The following KLHDC7A variants were observed in gnomAD, a reference collection of about 807,000 sequenced individuals.
KLHDC7A encodes the protein kelch domain-containing protein 7A.
For synonymous variants in KLHDC7A, 464 were observed against 461.0 expected, an observed-to-expected ratio of 1.01 and a Z score of -0.08; for missense variants, 1,123 against 1,052.6, an observed-to-expected ratio of 1.07 and a Z score of -0.93.
In KLHDC7A at chr1:18,481,244, G is replaced by C. The variant is rs368210062; in HGVS notation, c.263G>C (p.Arg88Pro). Reference protein sequence around the residue: ...RGPRRRRSSKRAEAPQGCSCE... With the variant: ...RGPRRRRSSKPAEAPQGCSCE... ...CCAAGACGTCGGAGGAGCAGCAAGC[G>C]GGCTGAAGCACCACAGGGCTGCAGC... Residue 88 changes from arginine to proline, a missense_variant, in exon 1 of 1, where the codon CGG becomes CCG. Coordinates refer to ENST00000400664, the MANE Select transcript of KLHDC7A (RefSeq NM_152375.3). 2.5e-5 allele frequency: 39 copies of C among 1,584,000 alleles called. No individual in the cohort carries two copies. The South Asian group carries it at 3.0e-4, about 12-fold the overall frequency.
chr1:18,483,311 T>G lies in KLHDC7A; in HGVS notation c.2330T>G (p.Val777Gly). 1.9e-6 allele frequency: 3 copies of G among 1,611,222 alleles called. No individual in the cohort carries two copies. In the African/African-American group the frequency reaches 4.0e-5, roughly 21 times the overall value. Reference sequence around the variant, plus strand: ...ACCCCCGATTTGCCTCAGACCAGGGTCTAGCAGTCCCTCAACTGAGCTCCT... The same window carrying G: ...ACCCCCGATTTGCCTCAGACCAGGGGCTAGCAGTCCCTCAACTGAGCTCCT... ...LPTPDLPQTR[V>G] Residue 777 changes from valine (V) to glycine (G), a missense_variant, in exon 1 of 1, where the codon GTC (valine) becomes GGC (glycine). Physicochemically the swap from Val to Gly is moderately radical, Grantham distance 109. Coordinates refer to ENST00000400664, the MANE Select transcript of KLHDC7A (RefSeq NM_152375.3).
Position 18,483,981 on chromosome 1 carries a change from T to C in KLHDC7A, c.*666T>C. The C allele has an allele frequency of 1.5e-6, 2 of 1,304,240 alleles. No homozygotes were observed. The highest frequency in any genetic ancestry group is 2.0e-6 in the Non-Finnish European group (2 of 988,928). The allele number at this position is 1,304,240 out of a possible 1,614,324, so 80.8% of individuals were successfully genotyped here. ...ACCAAAGCCCACATTACTTTTCTCCTTATTGGAAGAAAGAGAAGCAGCCAT... is the reference window on the plus strand; with the variant it reads ...ACCAAAGCCCACATTACTTTTCTCCCTATTGGAAGAAAGAGAAGCAGCCAT... On this transcript the variant is annotated 3_prime_UTR_variant, in exon 1 of 1. Transcript: ENST00000400664.
In KLHDC7A at chr1:18,481,973, C is replaced by T. The variant is rs761120175; in HGVS notation, c.992C>T (p.Ala331Val). ...CCAGGGTCCCTGGGAACAGGGGCTG[C>T]CTCGGGAGGCCAAGCCGGTGACACA... ...PPPGSLGTGA[A>V]SGGQAGDTKG... is the part of the protein sequence containing the mutation. Residue 331 changes from alanine (A) to valine (V), a missense_variant, in exon 1 of 1, where the codon GCC (alanine) becomes GTC (valine). Ala to Val is a moderately conservative substitution (Grantham distance 64, BLOSUM62 0). Coordinates refer to ENST00000400664, the MANE Select transcript of KLHDC7A (RefSeq NM_152375.3). 1.2e-6 allele frequency: 2 copies of T among 1,612,858 alleles called. No homozygotes were observed. Among genetic ancestry groups the T allele is most frequent in the Non-Finnish European group, 8.5e-7 (1 of 1,179,960 alleles).
At position 18,484,321 on chromosome 1, in the gene KLHDC7A, G is replaced by A. The variant is rs759160329; in HGVS notation, c.*1006G>A. 5 of 321,962 alleles carry A rather than the reference G, an allele frequency of 1.6e-5. No homozygotes were observed. Among genetic ancestry groups the A allele is most frequent in the Non-Finnish European group, 2.6e-5 (4 of 155,810 alleles). The allele number at this position is 321,962 out of a possible 1,614,324, so 19.9% of individuals were successfully genotyped here. On this transcript the variant is annotated 3_prime_UTR_variant, in exon 1 of 1. Transcript: ENST00000400664. Reference sequence around the variant, plus strand: ...GAGTCTAGTGAAGCATCCAGAGACTGGATCTCCTTTCACATCTGGTTTGAT... The same window carrying A: ...GAGTCTAGTGAAGCATCCAGAGACTAGATCTCCTTTCACATCTGGTTTGAT...
Position 18,482,332 on chromosome 1 carries a change from A to T in KLHDC7A, c.1351A>T (p.Lys451Ter). 2 of 1,602,256 alleles carry T rather than the reference A, an allele frequency of 1.2e-6. No homozygotes were observed. Among genetic ancestry groups the T allele is most frequent in the South Asian group, 2.2e-5 (2 of 91,090 alleles). The part of the protein sequence containing the change: ...LAKRQNLEAL[K>*]EAAYKVMSEN... ...CAAGAGGCAGAACCTGGAGGCCCTGAAAGAGGCGGCCTACAAGGTGATGAG... is the reference window on the plus strand; with the variant it reads ...CAAGAGGCAGAACCTGGAGGCCCTGTAAGAGGCGGCCTACAAGGTGATGAG... Residue 451 changes from lysine to a stop codon, truncating the protein, a stop_gained, in exon 1 of 1, where the codon AAA becomes TAA. Coordinates refer to ENST00000400664, the MANE Select transcript of KLHDC7A (RefSeq NM_152375.3). LOFTEE classifies it low-confidence loss of function (END_TRUNC).
In KLHDC7A at chr1:18,483,215, T is replaced by C. The variant is rs2086911239; in HGVS notation, c.2234T>C (p.Phe745Ser). 5.0e-6 allele frequency: 8 copies of C among 1,614,012 alleles called. No homozygotes were observed. The highest frequency in any genetic ancestry group is 1.3e-5 in the African/African-American group (1 of 75,050). ...CFLADSVSPR[F>S]VPKELRSFPA... is the part of the protein sequence containing the mutation. Reference sequence around the variant, plus strand: ...CTAGCAGACTCTGTCTCACCCAGGTTTGTGCCCAAGGAGCTGCGGAGTTTC... The same window carrying C: ...CTAGCAGACTCTGTCTCACCCAGGTCTGTGCCCAAGGAGCTGCGGAGTTTC... Residue 745 changes from phenylalanine (F) to serine (S), a missense_variant, in exon 1 of 1, where the codon TTT (phenylalanine) becomes TCT (serine). Physicochemically the swap from Phe to Ser is radical, Grantham distance 155 (BLOSUM62 -2). Transcript: ENST00000400664.
Position 18,481,159 on chromosome 1 carries a change from G to A in KLHDC7A, c.178G>A (p.Ala60Thr). Residue 60 changes from alanine to threonine, a missense_variant, in exon 1 of 1, where the codon GCA becomes ACA. Ala to Thr is a moderately conservative substitution (Grantham distance 58, BLOSUM62 0). Transcript: ENST00000400664. ...GNGQAEAKEE[A>T]EGSGQPAVQE... ...TGGCCAGGCAGAAGCCAAGGAGGAA[G>A]CAGAGGGCTCAGGGCAGCCTGCTGT... is the stretch of plus-strand genomic sequence containing the variant. 6.2e-7 allele frequency: 1 copy of A among 1,612,516 alleles called. No homozygotes were observed. The highest frequency in any genetic ancestry group is 8.5e-7 in the Non-Finnish European group (1 of 1,179,404).
Position 18,481,917 on chromosome 1 carries a change from C to T in KLHDC7A, c.936C>T (p.Ala312=). 1.9e-6 allele frequency: 3 copies of T among 1,613,446 alleles called. No homozygotes were observed. The highest frequency in any genetic ancestry group is 2.5e-6 in the Non-Finnish European group (3 of 1,179,908). ...GCAGGCTGGCTCCCAGGACAGCAGC[C>T]CTGACTGAGGTTCCATCCCCTAGGC... The part of the protein sequence containing the change: ...FQGRLAPRTA[A]LTEVPSPRPP... The change falls in exon 1 of 1, where the codon GCC becomes GCT. Residue 312 remains alanine, a synonymous_variant. Coordinates refer to ENST00000400664, the MANE Select transcript of KLHDC7A (RefSeq NM_152375.3).
At position 18,481,036 on chromosome 1, in the gene KLHDC7A, G is replaced by A. The variant is rs775718753; in HGVS notation, c.55G>A (p.Gly19Ser). 1.6e-5 allele frequency: 26 copies of A among 1,612,784 alleles called. No individual in the cohort carries two copies. The highest frequency in any genetic ancestry group is 1.5e-4 in the African/African-American group (11 of 74,890). The change falls in exon 1 of 1, where the codon GGC becomes AGC. Residue 19 changes from glycine to serine, a missense_variant. Coordinates refer to ENST00000400664, the MANE Select transcript of KLHDC7A (RefSeq NM_152375.3). ...QDWHLDMQLT[G>S]KVVLSAAALL... ...CTGGCATTTGGATATGCAGCTGACC[G>A]GCAAGGTGGTGCTGTCAGCCGCTGC... is the stretch of plus-strand genomic sequence containing the variant.
In KLHDC7A at chr1:18,482,870, CG is replaced by C. The variant is rs1442555455; in HGVS notation, c.1891del (p.Val631CysfsTer107). The C allele has an allele frequency of 1.2e-6, 2 of 1,611,602 alleles. No individual in the cohort carries two copies. The highest frequency in any genetic ancestry group is 1.7e-6 in the Non-Finnish European group (2 of 1,179,696). On this transcript the variant is annotated frameshift_variant, in exon 1 of 1. Transcript: ENST00000400664. LOFTEE classifies it low-confidence loss of function (END_TRUNC). ...ACGTTCGCCCTGGCGCACACGGCCA[CG>C]GTGCGTGCCAAGGAAATCTTCGTCA... Reference protein sequence around the residue: ...SDTFALAHTATVRAKEIFVTG... With the variant: ...SDTFALAHTAXVRAKEIFVTG...
chr1:18,482,380 C>A lies in KLHDC7A; in HGVS notation c.1399C>A (p.Arg467Ser). The change falls in exon 1 of 1, where the codon CGC becomes AGC. Residue 467 changes from arginine to serine, a missense_variant. Physicochemically the swap from Arg to Ser is moderately radical, Grantham distance 110 (BLOSUM62 -1). Transcript: ENST00000400664. ...VMSENYLQVLRSPDIYGCLSG... is the reference protein window; with the variant it reads ...VMSENYLQVLSSPDIYGCLSG... ...GAGCGAAAACTACCTGCAGGTGCTG[C>A]GCAGCCCGGACATCTACGGGTGCCT... The A allele has an allele frequency of 6.2e-7, 1 of 1,604,756 alleles. No homozygotes were observed. Among genetic ancestry groups the A allele is most frequent in the Non-Finnish European group, 8.5e-7 (1 of 1,179,944 alleles).
rs143962454 is a variant in KLHDC7A at position 18,483,119 on chromosome 1, C to G, written c.2138C>G (p.Pro713Arg). 8 of 1,613,848 alleles carry G rather than the reference C, an allele frequency of 5.0e-6. No individual in the cohort carries two copies. In the African/African-American group the frequency reaches 8.0e-5, roughly 16 times the overall value. The change falls in exon 1 of 1, where the codon CCG becomes CGG. Residue 713 changes from proline to arginine, a missense_variant. Pro to Arg is a moderately radical substitution (Grantham distance 103). Coordinates refer to ENST00000400664, the MANE Select transcript of KLHDC7A (RefSeq NM_152375.3). ...YECATYRTPY[P>R]DAFQCAVVDN... ...TGCGCCACGTACCGGACGCCTTACC[C>G]GGATGCCTTCCAGTGCGCCGTGGTG...
At position 18,483,484 on chromosome 1, in the gene KLHDC7A, T is replaced by G. The variant is rs2086914299; in HGVS notation, c.*169T>G. On this transcript the variant is annotated 3_prime_UTR_variant, in exon 1 of 1. Transcript: ENST00000400664. Reference sequence around the variant, plus strand: ...TAGCTGGGGAGAGAGGGATCTTAGATGAGTCTTACCCTTCATGGGCTGCAG... The same window carrying G: ...TAGCTGGGGAGAGAGGGATCTTAGAGGAGTCTTACCCTTCATGGGCTGCAG... 1 of 1,451,896 alleles carries G rather than the reference T, an allele frequency of 6.9e-7. No individual in the cohort carries two copies. The highest frequency in any genetic ancestry group is 1.4e-5 in the African/African-American group (1 of 69,686). 89.9% of individuals were successfully genotyped at this position (1,451,896 alleles called of 1,614,324 possible).
At position 18,482,704 on chromosome 1, in the gene KLHDC7A, C is replaced by T; in HGVS notation, c.1723C>T (p.Leu575=). Residue 575 remains leucine (L), a synonymous_variant, in exon 1 of 1, where the codon CTG becomes TTG. Transcript: ENST00000400664. ...LTGIWSEVCP[L]NQARPHCRLV... ...GGGGATCTGGAGCGAGGTGTGCCCG[C>T]TGAACCAGGCCCGGCCGCACTGCCG... The T allele has an allele frequency of 6.2e-7, 1 of 1,609,974 alleles. No individual in the cohort carries two copies. Among genetic ancestry groups the T allele is most frequent in the African/African-American group, 1.3e-5 (1 of 75,048 alleles).
At position 18,484,006 on chromosome 1, in the gene KLHDC7A, T is replaced by C; in HGVS notation, c.*691T>C. The C allele has an allele frequency of 7.7e-7, 1 of 1,304,260 alleles. No individual in the cohort carries two copies. The highest frequency in any genetic ancestry group is 1.2e-5 in the South Asian group (1 of 81,022). The allele number at this position is 1,304,260 out of a possible 1,614,324, so 80.8% of individuals were successfully genotyped here. ...TTATTGGAAGAAAGAGAAGCAGCCATTGTACCAAGCTATCTTCTGGTGGAG... is the reference window on the plus strand; with the variant it reads ...TTATTGGAAGAAAGAGAAGCAGCCACTGTACCAAGCTATCTTCTGGTGGAG... On this transcript the variant is annotated 3_prime_UTR_variant, in exon 1 of 1. Coordinates refer to ENST00000400664, the MANE Select transcript of KLHDC7A (RefSeq NM_152375.3).
rs1283196613 is a variant in KLHDC7A at position 18,482,290 on chromosome 1, G to T, written c.1309G>T (p.Glu437Ter). Residue 437 changes from glutamate to a stop codon, truncating the protein, a stop_gained, in exon 1 of 1, where the codon GAG (glutamate) becomes TAG (stop). Coordinates refer to ENST00000400664, the MANE Select transcript of KLHDC7A (RefSeq NM_152375.3). LOFTEE classifies it low-confidence loss of function (END_TRUNC). ...CCGCCTGGATCTGGGCAATTGCTAT[G>T]AGGTGCTGACCTTGGCCAAGAGGCA... ...QVRLDLGNCYEVLTLAKRQNL... is the reference protein window; with the variant it reads ...QVRLDLGNCY 6.2e-7 allele frequency: 1 copy of T among 1,602,900 alleles called. No homozygotes were observed. The highest frequency in any genetic ancestry group is 1.7e-5 in the Admixed American group (1 of 60,030).
In KLHDC7A at chr1:18,482,972, G is replaced by T. The variant is rs1400494345; in HGVS notation, c.1991G>T (p.Gly664Val). ...CGCTGGTGGGCCGGCCCCACCGGGG[G>T]CAGCAAGGACCGCACGGCCGAGATG... ...EQRWWAGPTG[G>V]SKDRTAEMVA... Residue 664 changes from glycine (G) to valine (V), a missense_variant, in exon 1 of 1, where the codon GGC becomes GTC. Physicochemically the swap from Gly to Val is moderately radical, Grantham distance 109. Coordinates refer to ENST00000400664, the MANE Select transcript of KLHDC7A (RefSeq NM_152375.3). 1 of 1,612,674 alleles carries T rather than the reference G, an allele frequency of 6.2e-7. No homozygotes were observed. Among genetic ancestry groups the T allele is most frequent in the Non-Finnish European group, 8.5e-7 (1 of 1,179,844 alleles).
rs538506969 is a variant in KLHDC7A, at chr1:18,483,655, T to C, written c.*340T>C. On this transcript the variant is annotated 3_prime_UTR_variant, in exon 1 of 1. Coordinates refer to ENST00000400664, the MANE Select transcript of KLHDC7A (RefSeq NM_152375.3). The stretch of plus-strand genomic sequence containing the variant: ...ACCAAAGCTTAGGGGGCATAGTCTT[T>C]TTGCAATCACAATTCTAGGAGCCAG... 1.4e-3 allele frequency: 1,694 copies of C among 1,226,570 alleles called. 1 individual carries two copies. The highest frequency in any genetic ancestry group is 1.7e-3 in the Non-Finnish European group (1,640 of 962,484). The allele number at this position is 1,226,570 out of a possible 1,614,324, so 76.0% of individuals were successfully genotyped here.
In KLHDC7A at chr1:18,484,053, G is replaced by T; in HGVS notation, c.*738G>T. On this transcript the variant is annotated 3_prime_UTR_variant, in exon 1 of 1. Coordinates refer to ENST00000400664, the MANE Select transcript of KLHDC7A (RefSeq NM_152375.3). ...GGAGGTCTGCTAAGGATACACGGAG[G>T]TCTCAGCAAAGGGAAGAAACTATGT... 7.7e-7 allele frequency: 1 copy of T among 1,303,572 alleles called. No individual in the cohort carries two copies. The highest frequency in any genetic ancestry group is 1.0e-6 in the Non-Finnish European group (1 of 988,338). The allele number at this position is 1,303,572 out of a possible 1,614,324, so 80.8% of individuals were successfully genotyped here. A position where few individuals can be genotyped will look rare whatever the true frequency, so the allele number is the denominator to read the frequency against.
Sources: gnomAD v4.1 joint callset for allele counts on GRCh38, gnomAD v4.1.1 for gene constraint, MANE v1.5 for transcripts, NCBI Gene and HGNC (gene_info 2026-07-23, HGNC 2026-07-21) for gene names.